Variants in TEAD1 observed in about 807,000 individuals in gnomAD.
TEAD1 encodes the protein transcriptional enhancer factor TEF-1.
Under a neutral mutation model 54.9 loss-of-function variants are expected in TEAD1, and 9 were observed. That is an observed-to-expected ratio of 0.16 (90% CI 0.10 to 0.29). The LOEUF (loss-of-function observed/expected upper bound fraction) is 0.29, where lower values mean the gene tolerates loss of function less well. TEAD1 is among the 10% of genes least tolerant of loss of function. The pLI is 1.00. For missense variants in TEAD1, 387 were observed against 535.9 expected (o/e 0.72, Z 2.74); for synonymous variants, 200 against 187.8 (o/e 1.07, Z -0.53).
intron 10 of TEAD1, among the ~76,000 whole-genome samples, chr11:12,920,153 CAAAT>C (rs1266472854): frequency 2.6e-5 from 4 of 152,106 alleles, no homozygotes; most frequent in Non-Finnish European, 4.4e-5. Context: ...GTCATTTTGT[CAAAT>C]AAAGGAAGGC....
chr11:12,687,625 GCT>G (rs1943361287), intron 2 of TEAD1, among the ~76,000 whole-genome samples: 1 of 151,992 alleles, frequency 6.6e-6, no homozygotes. Flanking sequence ...ACAAAGGTAG[GCT>G]TCTCATTTAG....
chr11:12,934,610 G>A (rs1386312150), intron 12 of TEAD1, among the ~76,000 whole-genome samples: 1 of 151,658 alleles, frequency 6.6e-6, no homozygotes, highest in East Asian at 1.9e-4. Context: ...ACCTTGCAAG[G>A]TATCTTATGG....
intron 3 of TEAD1, among the ~76,000 whole-genome samples, chr11:12,799,819 G>T (rs911933314): frequency 2.0e-5 from 3 of 152,004 alleles, no homozygotes; most frequent in African/African-American, 7.3e-5. Context: ...TCTAACCTCC[G>T]TCAAAATAAT....
chr11:12,798,307 C>T (rs930981032), intron 3 of TEAD1, among the ~76,000 whole-genome samples: 1 of 152,196 alleles, frequency 6.6e-6, no homozygotes, highest in African/African-American at 2.4e-5. Context: ...TGCCTTATTT[C>T]TCTCTCTTTC....
chr11:12,904,403 A>G lies in TEAD1; in HGVS notation c.873+2290A>G, dbSNP rs373495438. Among the ~76,000 whole-genome samples, 5 of 152,346 alleles carry G rather than the reference A, an allele frequency of 3.3e-5. No homozygotes were observed. The East Asian group carries it at 5.8e-4, about 18-fold the overall frequency. On this transcript the variant is annotated intron_variant, in intron 10 of 12. Transcript: ENST00000527636. Reference sequence around the variant, plus strand: ...TCAGTACTTAAAGACTTTTCTGATGAGATCCACGATGATATTGACAAAATG... The same window carrying G: ...TCAGTACTTAAAGACTTTTCTGATGGGATCCACGATGATATTGACAAAATG...
chr11:12,809,972 TTC>T (rs1946261520), intron 3 of TEAD1, among the ~76,000 whole-genome samples: 8 of 68,562 alleles, frequency 1.2e-4, no homozygotes, highest in Non-Finnish European at 2.4e-4. Context: ...TCTTTCCCCA[TTC>T]TTTTTTTTTT....
At position 12,747,595 on chromosome 11, in the gene TEAD1, C is replaced by G. The variant is rs538881225; in HGVS notation, c.-54-16584C>G. Among the ~76,000 whole-genome samples the G allele has an allele frequency of 4.6e-5, 7 of 152,334 alleles. No individual in the cohort carries two copies. The South Asian group carries it at 1.0e-3, about 23-fold the overall frequency. On this transcript the variant is annotated intron_variant, in intron 2 of 12. Transcript: ENST00000527636. ...AAGTGATCTGCCTGCCTAGGTCTCT[C>G]AGAGTGCTAGGATTACAGGCGTGAG... is the stretch of plus-strand genomic sequence containing the variant.
chr11:12,686,915 T>C (rs1943346547), intron 2 of TEAD1, among the ~76,000 whole-genome samples: 1 of 152,212 alleles, frequency 6.6e-6, no homozygotes, highest in African/African-American at 2.4e-5. Flanking sequence ...TTCAGTCCAG[T>C]GTTTCAGCTC....
chr11:12,931,198 T>C (rs1949005828), intron 12 of TEAD1, among the ~76,000 whole-genome samples: 1 of 152,202 alleles, frequency 6.6e-6, no homozygotes. Context: ...CCCTGGATGG[T>C]TCTATGTGGG....
chr11:12,784,067 T>A (rs959623633), intron 3 of TEAD1, among the ~76,000 whole-genome samples: 1 of 152,172 alleles, frequency 6.6e-6, no homozygotes, highest in Non-Finnish European at 1.5e-5. Flanking sequence ...GGGCTTGAAC[T>A]AGGTCAGAGG....
intron 3 of TEAD1, among the ~76,000 whole-genome samples, chr11:12,765,081 C>T (rs1391646516): frequency 1.3e-5 from 2 of 152,052 alleles, no homozygotes; most frequent in African/African-American, 4.8e-5. Flanking sequence ...GTCACCATCT[C>T]CCCTTCTTTG....
At chr11:12,758,223 T>G (rs901345021) in intron 2 of TEAD1, among the ~76,000 whole-genome samples, 1 of 150,154 alleles carries the variant, frequency 6.7e-6, no homozygotes, top group Non-Finnish European at 1.5e-5. Context: ...ACTCACTAAG[T>G]TTTTGTTTTG....
chr11:12,853,284 TGTG>T (rs1947310698), intron 3 of TEAD1, among the ~76,000 whole-genome samples: 1 of 152,044 alleles, frequency 6.6e-6, no homozygotes, highest in Non-Finnish European at 1.5e-5. Flanking sequence ...TAAAATGAAT[TGTG>T]GTGGTGGTCG....
At chr11:12,827,940 T>A (rs572522743) in intron 3 of TEAD1, among the ~76,000 whole-genome samples, 174 of 152,330 alleles carry the variant, frequency 1.1e-3, no homozygotes, top group Admixed American at 2.4e-3. Flanking sequence ...GTTGTTGTAT[T>A]CCTAGCCAAT....
chr11:12,750,868 C>T (rs1944856151), intron 2 of TEAD1, among the ~76,000 whole-genome samples: 1 of 152,174 alleles, frequency 6.6e-6, no homozygotes, highest in Non-Finnish European at 1.5e-5. Context: ...CCTCCATCAG[C>T]ACCCTATTGA....
intron 2 of TEAD1, among the ~76,000 whole-genome samples, chr11:12,737,755 C>G (rs765784271): frequency 3.9e-5 from 6 of 152,128 alleles, no homozygotes; most frequent in Non-Finnish European, 1.5e-5. Context: ...ATTCTTTTCT[C>G]CTATGTGAAA....
chr11:12,779,038 A>G (rs77722899), intron 3 of TEAD1, among the ~76,000 whole-genome samples: 2,021 of 152,168 alleles, frequency 0.013, 44 homozygotes, highest in African/African-American at 0.047. Context: ...GTCTTTGACC[A>G]TTTCTTTTCC....
chr11:12,742,025 C>G (rs528117456), intron 2 of TEAD1, among the ~76,000 whole-genome samples: 28 of 152,196 alleles, frequency 1.8e-4, no homozygotes, highest in Admixed American at 3.3e-4. Flanking sequence ...ACACAGTAGG[C>G]AGTTTCTTTT....
intron 2 of TEAD1, among the ~76,000 whole-genome samples, chr11:12,733,854 T>A (rs1379849135): frequency 6.6e-6 from 1 of 152,240 alleles, no homozygotes; most frequent in African/African-American, 2.4e-5. Flanking sequence ...CATCTAATGA[T>A]CCTGACTCTG....
Sources: allele counts gnomAD v4.1 joint callset (sites outside exome capture counted in the v4.1 genomes callset), GRCh38; gene constraint gnomAD v4.1.1; transcripts MANE v1.5; gene names NCBI Gene and HGNC (gene_info 2026-07-23, HGNC 2026-07-21).